Variants in GPM6A observed in about 807,000 individuals in gnomAD.
GPM6A encodes the protein glycoprotein M6A.
Under a neutral mutation model 32.1 loss-of-function variants are expected in GPM6A, and 7 were observed. The ratio of observed to expected loss-of-function variants is 0.22; its 90% CI spans 0.12 to 0.41. The LOEUF (loss-of-function observed/expected upper bound fraction) is 0.41. Among genes scored for constraint, GPM6A ranks in the 10% least tolerant of loss-of-function variants. The pLI is 1.00. For synonymous variants in GPM6A, 130 were observed against 123.4 expected, an observed-to-expected ratio of 1.05 and a Z score of -0.35; for missense variants, 235 against 347.2, an observed-to-expected ratio of 0.68 and a Z score of 2.57.
At position 175,955,112 on chromosome 4, in the gene GPM6A, C is replaced by T. The variant is rs7694741; in HGVS notation, c.-23+47197G>A. On this transcript the variant is annotated intron_variant, in intron 1 of 7. Coordinates refer to the GPM6A transcript ENST00000280187. The stretch of plus-strand genomic sequence containing the variant: ...CCTGGAAGAAAAGTCCCTTGGCCTT[C>T]GCCACATAGATAATCCATGGCTGGA... 4.3e-3 allele frequency among the ~76,000 whole-genome samples: 661 copies of T among 152,334 alleles called. 6 individuals carry two copies. The highest frequency in any genetic ancestry group is 0.015 in the African/African-American group (624 of 41,564).
At chr4:175,767,017 C>T (rs909926192) in intron 1 of GPM6A, among the ~76,000 whole-genome samples, 1 of 152,032 alleles carries the variant, frequency 6.6e-6, no homozygotes, top group Non-Finnish European at 1.5e-5. Context: ...AGTTAATGAG[C>T]CAATCCATTG....
At chr4:175,697,753 C>G (rs537559132) in intron 2 of GPM6A, among the ~76,000 whole-genome samples, 1 of 152,194 alleles carries the variant, frequency 6.6e-6, no homozygotes, top group East Asian at 1.9e-4. Context: ...TTCTCTCTCT[C>G]TGGAGGTTGC....
chr4:175,837,622 T>G (rs2111378689), intron 1 of GPM6A, among the ~76,000 whole-genome samples: 1 of 152,238 alleles, frequency 6.6e-6, no homozygotes, highest in South Asian at 2.1e-4. Context: ...GAGAAAGAGT[T>G]AAGGCTGGCA....
chr4:175,637,455 TAGA>T (rs1460235350), intron 6 of GPM6A, among the ~76,000 whole-genome samples: 4 of 82,262 alleles, frequency 4.9e-5, no homozygotes, highest in Admixed American at 2.1e-4. Flanking sequence ...TGGAGAGCCT[TAGA>T]AGGACTCCCA....
At chr4:175,849,767 A>G (rs769921484) in intron 1 of GPM6A, among the ~76,000 whole-genome samples, 3 of 152,206 alleles carry the variant, frequency 2.0e-5, no homozygotes, top group Non-Finnish European at 4.4e-5. Context: ...GAGAAGACAG[A>G]AATATTTATA....
chr4:175,938,417 G>C (rs143286334), intron 1 of GPM6A, among the ~76,000 whole-genome samples: 2 of 152,252 alleles, frequency 1.3e-5, no homozygotes, highest in East Asian at 3.9e-4. Flanking sequence ...AGCATCTGTT[G>C]TTTCCTGACT....
intron 1 of GPM6A, among the ~76,000 whole-genome samples, chr4:175,844,380 A>G (rs1332762461): frequency 6.6e-6 from 1 of 152,164 alleles, no homozygotes; most frequent in Non-Finnish European, 1.5e-5. Context: ...AATTATCTCA[A>G]ACCTGCTTTA....
intron 1 of GPM6A, among the ~76,000 whole-genome samples, chr4:175,866,512 T>C (rs533217186): frequency 2.3e-4 from 35 of 152,206 alleles, no homozygotes; most frequent in South Asian, 1.0e-3. Flanking sequence ...GTTAGAATCA[T>C]GGAGTATGTA....
chr4:175,809,659 CT>C (rs928903779), intron 1 of GPM6A, among the ~76,000 whole-genome samples: 4 of 152,174 alleles, frequency 2.6e-5, no homozygotes, highest in Non-Finnish European at 5.9e-5. Context: ...TCCTCTCTCT[CT>C]GACTGAACAC....
At chr4:175,880,567 T>C (rs1737239102) in intron 1 of GPM6A, among the ~76,000 whole-genome samples, 1 of 152,126 alleles carries the variant, frequency 6.6e-6, no homozygotes, top group Admixed American at 6.6e-5. Context: ...TTTTGTTGAG[T>C]AGTGGTTTGC....
At chr4:175,974,645 AT>A (rs1253035403) in intron 1 of GPM6A, among the ~76,000 whole-genome samples, 4 of 152,074 alleles carry the variant, frequency 2.6e-5, no homozygotes, top group Admixed American at 6.5e-5. Flanking sequence ...TAAGAATCCT[AT>A]TTATGTCTTC....
chr4:175,661,452 A>T (rs1742411529), intron 3 of GPM6A, among the ~76,000 whole-genome samples: 2 of 144,424 alleles, frequency 1.4e-5, no homozygotes, highest in African/African-American at 2.5e-5. Flanking sequence ...AAAAAAAAAA[A>T]GTCACTGAAA....
chr4:175,660,084 T>C (rs944892036), intron 3 of GPM6A, among the ~76,000 whole-genome samples: 1 of 151,864 alleles, frequency 6.6e-6, no homozygotes, highest in Non-Finnish European at 1.5e-5. Flanking sequence ...AGTAAAAGAT[T>C]TTGGGGGAGA....
At chr4:175,672,219 C>T (rs1311634830) in intron 3 of GPM6A, among the ~76,000 whole-genome samples, 1 of 152,140 alleles carries the variant, frequency 6.6e-6, no homozygotes, top group Non-Finnish European at 1.5e-5. Context: ...TATTACCTTA[C>T]GGTAAAGACG....
rs1743342995 is a variant in GPM6A, at chr4:175,675,954, C to T, written c.231-2118G>A. Among the ~76,000 whole-genome samples the T allele has an allele frequency of 2.0e-5, 3 of 151,956 alleles. No individual in the cohort carries two copies. The South Asian group carries it at 6.2e-4, about 32-fold the overall frequency. ...CCAAATCTCATCTTGAATTGTAGTT[C>T]CCATAATCCCCATGTGTCATGGGAG... On this transcript the variant is annotated intron_variant, in intron 2 of 6. Coordinates refer to ENST00000393658, the MANE Select transcript of GPM6A (RefSeq NM_201591.3).
chr4:175,723,942 A>C (rs1350959665), intron 1 of GPM6A, among the ~76,000 whole-genome samples: 1 of 152,170 alleles, frequency 6.6e-6, no homozygotes. Context: ...CTACCATATG[A>C]TCCAGCAATC....
At chr4:175,882,356 G>C (rs1351955890) in intron 1 of GPM6A, among the ~76,000 whole-genome samples, 2 of 152,054 alleles carry the variant, frequency 1.3e-5, no homozygotes, top group East Asian at 1.9e-4. Context: ...ATTTTATGCT[G>C]TTGGATGATT....
chr4:175,962,737 C>T (rs776553086), intron 1 of GPM6A, among the ~76,000 whole-genome samples: 1 of 152,074 alleles, frequency 6.6e-6, no homozygotes, highest in Non-Finnish European at 1.5e-5. Context: ...ACCTATTTAC[C>T]TCATTTATTT....
At chr4:175,799,955 T>C (rs1036876199) in intron 1 of GPM6A, among the ~76,000 whole-genome samples, 4 of 151,992 alleles carry the variant, frequency 2.6e-5, no homozygotes, top group African/African-American at 9.7e-5. Flanking sequence ...TTGATAAGGA[T>C]ACAATTCAGA....
Sources: allele counts gnomAD v4.1 joint callset (sites outside exome capture counted in the v4.1 genomes callset), GRCh38; gene constraint gnomAD v4.1.1; transcripts MANE v1.5; gene names NCBI Gene and HGNC (gene_info 2026-07-23, HGNC 2026-07-21).